Variants in PALS2 observed in about 807,000 individuals in gnomAD.
The protein encoded by PALS2 is protein associated with LIN7 2, MAGUK p55 family member.
PALS2 carries 27 observed loss-of-function variants against 61.6 expected under a neutral mutation model. The observed-to-expected ratio is 0.44, with a 90% confidence interval of 0.32 to 0.60. PALS2 has a LOEUF of 0.60. Among genes scored for constraint, PALS2 ranks in the 20% least tolerant of loss-of-function variants. PALS2 has a pLI of 0.05. For missense variants in PALS2, 554 were observed against 639.4 expected, an observed-to-expected ratio of 0.87 and a Z score of 1.44; for synonymous variants, 236 against 218.6, an observed-to-expected ratio of 1.08 and a Z score of -0.70.
At chr7:24,588,823 C>T (rs919619936) in intron 1 of PALS2, among the ~76,000 whole-genome samples, 3 of 152,100 alleles carry the variant, frequency 2.0e-5, no homozygotes, top group Non-Finnish European at 2.9e-5. Context: ...CAAAATAATT[C>T]ATCATAATAT....
chr7:24,595,620 C>T (rs1783495394), intron 1 of PALS2, among the ~76,000 whole-genome samples: 1 of 134,722 alleles, frequency 7.4e-6, no homozygotes, highest in Non-Finnish European at 1.6e-5. Flanking sequence ...TACTGTGTGT[C>T]AAGCACTGTC....
intron 3 of PALS2, 63 bp downstream of exon 3, chr7:24,641,931 TC>T: frequency 6.6e-7 from 1 of 1,524,872 alleles, no homozygotes; most frequent in Non-Finnish European, 9.0e-7. Context: ...TCCTTTACTT[TC>T]CAGTTTAAGG....
At chr7:24,651,391 G>A (rs1422002780) in intron 5 of PALS2, among the ~76,000 whole-genome samples, 1 of 152,164 alleles carries the variant, frequency 6.6e-6, no homozygotes, top group Non-Finnish European at 1.5e-5. Context: ...TCAAATACCA[G>A]TGCTGCCAGT....
chr7:24,617,019 C>G (rs951563203), intron 1 of PALS2, among the ~76,000 whole-genome samples: 1 of 152,076 alleles, frequency 6.6e-6, no homozygotes, highest in African/African-American at 2.4e-5. Context: ...TTTCCCTTCT[C>G]TTCTTCTTCT....
chr7:24,588,837 G>A (rs1288284384), intron 1 of PALS2, among the ~76,000 whole-genome samples: 2 of 152,178 alleles, frequency 1.3e-5, no homozygotes, highest in Non-Finnish European at 2.9e-5. Flanking sequence ...ATAATATGAA[G>A]ATAAAAGTTG....
chr7:24,661,614 CTT>C (rs1414349187), intron 5 of PALS2, among the ~76,000 whole-genome samples: 2 of 152,150 alleles, frequency 1.3e-5, no homozygotes, highest in Non-Finnish European at 1.5e-5. Flanking sequence ...ATTTTTATAA[CTT>C]TGCATACCAA....
rs547905282 is a variant in PALS2 at position 24,636,237 on chromosome 7, T to C, written c.118-5479T>C. On this transcript the variant is annotated intron_variant, in intron 2 of 11. Transcript: ENST00000222644. ...CAAAAAAAAAAAAAAAAAAAAAGTATCACTGTAATTTAGGTGGATATGGTG... is the reference window on the plus strand; with the variant it reads ...CAAAAAAAAAAAAAAAAAAAAAGTACCACTGTAATTTAGGTGGATATGGTG... Among the ~76,000 whole-genome samples, 288 of 147,302 alleles carry C rather than the reference T, an allele frequency of 2.0e-3. 1 individual carries two copies. The highest frequency in any genetic ancestry group is 7.1e-3 in the African/African-American group (280 of 39,244).
At chr7:24,591,656 T>A (rs1033514482) in intron 1 of PALS2, among the ~76,000 whole-genome samples, 4 of 152,164 alleles carry the variant, frequency 2.6e-5, no homozygotes, top group African/African-American at 7.2e-5. Context: ...AATGCAGAAT[T>A]ATCAAATGCT....
chr7:24,670,375 T>C (rs1432162670), intron 9 of PALS2, among the ~76,000 whole-genome samples: 1 of 152,064 alleles, frequency 6.6e-6, no homozygotes, highest in Non-Finnish European at 1.5e-5. Flanking sequence ...CAGAACCCTC[T>C]GTCTTTCTGC....
chr7:24,679,874 A>G (rs1018020622), intron 10 of PALS2, among the ~76,000 whole-genome samples: 19 of 152,148 alleles, frequency 1.2e-4, no homozygotes, highest in South Asian at 2.1e-4. Context: ...ATACAAATAT[A>G]TATAAGGTAA....
At chr7:24,632,041 A>G (rs889338504) in intron 2 of PALS2, among the ~76,000 whole-genome samples, 1 of 152,218 alleles carries the variant, frequency 6.6e-6, no homozygotes, top group Admixed American at 6.5e-5. Flanking sequence ...AGCTAGTAGA[A>G]TGTTGAAACC....
chr7:24,584,620 C>T (rs1254607853), intron 1 of PALS2, among the ~76,000 whole-genome samples: 1 of 151,708 alleles, frequency 6.6e-6, no homozygotes, highest in African/African-American at 2.4e-5. Context: ...GTTGCCTGTT[C>T]ACTCTGATGG....
chr7:24,607,663 A>C lies in PALS2; in HGVS notation c.-2-16003A>C, dbSNP rs987400197. Among the ~76,000 whole-genome samples the C allele has an allele frequency of 4.8e-4, 73 of 151,060 alleles. No homozygotes were observed. In the Middle Eastern group the frequency reaches 0.01, roughly 21 times the overall value. On this transcript the variant is annotated intron_variant, in intron 1 of 11. Transcript: ENST00000222644. ...TGTATGTATATGTATGCGTATGTAT[A>C]CACACACATATACATATGTGTGTGT...
intron 1 of PALS2, among the ~76,000 whole-genome samples, chr7:24,592,600 G>T (rs1386030108): frequency 6.6e-6 from 1 of 151,982 alleles, no homozygotes; most frequent in Non-Finnish European, 1.5e-5. Flanking sequence ...ATAAATACAG[G>T]CATACCTCAG....
At chr7:24,574,208 A>G (rs1782563617) in intron 1 of PALS2, 1 of 152,222 alleles carries the variant, frequency 6.6e-6, no homozygotes, top group Non-Finnish European at 1.5e-5. Flanking sequence ...TTGTTTGGCC[A>G]AAGTGGCTGT....
chr7:24,575,914 G>A (rs1443517121), intron 1 of PALS2, among the ~76,000 whole-genome samples: 1 of 152,004 alleles, frequency 6.6e-6, no homozygotes, highest in Admixed American at 6.5e-5. Context: ...GTATATAATA[G>A]TTAATAATTT....
chr7:24,665,296 C>T (rs1171743007), intron 6 of PALS2, among the ~76,000 whole-genome samples: 2 of 152,108 alleles, frequency 1.3e-5, no homozygotes, highest in Non-Finnish European at 2.9e-5. Flanking sequence ...TTTAGAATAG[C>T]ATTTTCCTTT....
In PALS2 at chr7:24,679,146, C is replaced by G; in HGVS notation, c.1130C>G (p.Pro377Arg). Residue 377 changes from proline (P) to arginine (R), a missense_variant, in exon 10 of 12, where the codon CCA becomes CGA. Transcript: ENST00000222644. ...TTTTATTTAGTTACTTCACGGAAAC[C>G]AAGGGAAGATGAAAAAGATGGCCAG... ...GTTVPFTSRK[P>R]REDEKDGQAY... 6.2e-7 allele frequency: 1 copy of G among 1,613,652 alleles called. No homozygotes were observed. Among genetic ancestry groups the G allele is most frequent in the Admixed American group, 1.7e-5 (1 of 60,014 alleles).
chr7:24,678,556 C>T (rs972567416), intron 9 of PALS2, among the ~76,000 whole-genome samples: 1 of 152,100 alleles, frequency 6.6e-6, no homozygotes, highest in South Asian at 2.1e-4. Context: ...CAACTAAGAA[C>T]AGGTGAACTT....
Sources: allele counts gnomAD v4.1 joint callset (sites outside exome capture counted in the v4.1 genomes callset), GRCh38; gene constraint gnomAD v4.1.1; transcripts MANE v1.5; gene names NCBI Gene and HGNC (gene_info 2026-07-23, HGNC 2026-07-21).